Variants in RALYL observed in about 807,000 individuals in gnomAD.
RALYL encodes the protein RALY RNA binding protein like.
RALYL carries 29 observed loss-of-function variants against 35.1 expected under a neutral mutation model. The observed-to-expected ratio is 0.83, with a 90% CI of 0.61 to 1.13. The LOEUF (loss-of-function observed/expected upper bound fraction) is 1.13, where lower values mean the gene tolerates loss of function less well. Ranked by LOEUF, RALYL falls within the 50% of genes most tolerant of loss-of-function variation. The pLI, the probability that RALYL is intolerant of heterozygous loss-of-function variation, is 0.00. For missense variants in RALYL, 359 were observed against 360.4 expected (o/e 1.00, Z 0.03); for synonymous variants, 120 against 127.6 (o/e 0.94, Z 0.40).
rs1491010378 is a variant in RALYL, at chr8:84,342,282, A to ATATATATTTATATATATATATATT, written c.-24+157865_-24+157866insTTATATATATATATATTTATATAT. ...GAGGGTACAGAGCATCGTTCAATAT[A>ATATATATTTATATATATATATATT]TATATATATATATAAAACTCAAAAA... is the stretch of plus-strand genomic sequence containing the variant. On this transcript the variant is annotated intron_variant, in intron 1 of 8. Coordinates refer to ENST00000521268, the MANE Select transcript of RALYL (RefSeq NM_173848.7). Among the ~76,000 whole-genome samples, 4 of 109,008 alleles carry ATATATATTTATATATATATATATT rather than the reference A, an allele frequency of 3.7e-5. No individual in the cohort carries two copies. In the East Asian group the frequency reaches 1.2e-3, roughly 32 times the overall value. 71.5% of individuals were successfully genotyped at this position (109,008 alleles called of 152,430 possible).
At chr8:84,241,067 A>G (rs1175924703) in intron 1 of RALYL, among the ~76,000 whole-genome samples, 2 of 151,986 alleles carry the variant, frequency 1.3e-5, no homozygotes, top group Non-Finnish European at 2.9e-5. Context: ...TTTATTTTGG[A>G]CATGATCTGT....
intron 8 of RALYL, among the ~76,000 whole-genome samples, chr8:84,908,638 T>C (rs1158674748): frequency 6.6e-6 from 1 of 152,184 alleles, no homozygotes; most frequent in African/African-American, 2.4e-5. Context: ...AGCTTGACTA[T>C]TGTGAATAAT....
chr8:84,862,278 C>A lies in RALYL; in HGVS notation c.414-18C>A. The A allele has an allele frequency of 6.7e-7, 1 of 1,485,322 alleles. No homozygotes were observed. The highest frequency in any genetic ancestry group is 9.0e-7 in the Non-Finnish European group (1 of 1,110,288). The allele number at this position is 1,485,322 out of a possible 1,614,324, so 92.0% of individuals were successfully genotyped here. A position where few individuals can be genotyped will look rare whatever the true frequency, so the allele number is the denominator to read the frequency against. On this transcript the variant is annotated intron_variant, in intron 5 of 8. Transcript: ENST00000521268. ...CGGGCATCAAACCAACTCTCAGTCC[C>A]ATTTGTGTTTTGTAAAGGTTATTTG...
intron 2 of RALYL, among the ~76,000 whole-genome samples, chr8:84,586,083 T>C (rs1165275110): frequency 3.3e-5 from 5 of 151,480 alleles, no homozygotes; most frequent in African/African-American, 7.3e-5. Flanking sequence ...TAATCCCAGC[T>C]ACTCAGGAAG....
chr8:84,844,714 C>G (rs1361323275), intron 4 of RALYL, among the ~76,000 whole-genome samples: 1 of 152,162 alleles, frequency 6.6e-6, no homozygotes, highest in Non-Finnish European at 1.5e-5. Context: ...GACTTGGAAC[C>G]AACCCAAATG....
At chr8:84,415,219 G>GT (rs1421901628) in intron 1 of RALYL, among the ~76,000 whole-genome samples, 12 of 70,128 alleles carry the variant, frequency 1.7e-4, no homozygotes, top group Admixed American at 5.8e-4. Flanking sequence ...TTTTTTTTTT[G>GT]TTTTTTTGTT....
At chr8:84,213,545 T>C (rs1299791657) in intron 1 of RALYL, among the ~76,000 whole-genome samples, 2 of 152,244 alleles carry the variant, frequency 1.3e-5, no homozygotes, top group Non-Finnish European at 2.9e-5. Flanking sequence ...TCTTTTAAAA[T>C]ATATTGTATT....
chr8:84,449,101 G>A (rs2049172632), intron 1 of RALYL, among the ~76,000 whole-genome samples: 1 of 145,534 alleles, frequency 6.9e-6, no homozygotes, highest in African/African-American at 2.6e-5. Context: ...TTTTGCTGGT[G>A]TGCTAATTGC....
intron 2 of RALYL, among the ~76,000 whole-genome samples, chr8:84,613,359 CAT>C (rs760745815): frequency 6.6e-6 from 1 of 151,486 alleles, no homozygotes; most frequent in Non-Finnish European, 1.5e-5. Flanking sequence ...TGATGCTAAA[CAT>C]AATCACAAAA....
chr8:84,571,210 G>A (rs369260950), intron 2 of RALYL, among the ~76,000 whole-genome samples: 1 of 151,540 alleles, frequency 6.6e-6, no homozygotes, highest in Non-Finnish European at 1.5e-5. Context: ...TTGTATGTTT[G>A]GTAACATTTT....
At chr8:84,811,097 G>T (rs371415259) in intron 4 of RALYL, among the ~76,000 whole-genome samples, 22 of 151,422 alleles carry the variant, frequency 1.5e-4, no homozygotes, top group African/African-American at 5.3e-4. Context: ...TTATACTTTT[G>T]TTTTCTAGGT....
chr8:84,673,236 T>A (rs1321061817), intron 2 of RALYL, among the ~76,000 whole-genome samples: 4 of 152,214 alleles, frequency 2.6e-5, no homozygotes, highest in African/African-American at 4.8e-5. Context: ...TTATTGTAAA[T>A]GTGTTTAAGT....
intron 1 of RALYL, among the ~76,000 whole-genome samples, chr8:84,327,348 A>G (rs1264500712): frequency 1.3e-5 from 2 of 152,160 alleles, no homozygotes; most frequent in African/African-American, 4.8e-5. Context: ...CACAATCTAG[A>G]GAACAGGCAC....
At chr8:84,660,801 A>G (rs1378837622) in intron 2 of RALYL, among the ~76,000 whole-genome samples, 1 of 152,138 alleles carries the variant, frequency 6.6e-6, no homozygotes, top group Non-Finnish European at 1.5e-5. Flanking sequence ...TTCATATAGA[A>G]CAAATTTTGA....
chr8:84,343,985 T>A (rs186973426), intron 1 of RALYL, among the ~76,000 whole-genome samples: 1 of 152,092 alleles, frequency 6.6e-6, no homozygotes, highest in Non-Finnish European at 1.5e-5. Flanking sequence ...GCAATTGTTT[T>A]ACTGATTATG....
intron 2 of RALYL, among the ~76,000 whole-genome samples, chr8:84,691,593 T>G (rs1439939498): frequency 6.6e-6 from 1 of 151,974 alleles, no homozygotes; most frequent in Non-Finnish European, 1.5e-5. Flanking sequence ...ATGAGCACCT[T>G]CTAAACCAAA....
At chr8:84,575,098 G>T (rs1588278378) in intron 2 of RALYL, among the ~76,000 whole-genome samples, 1 of 152,024 alleles carries the variant, frequency 6.6e-6, no homozygotes. Flanking sequence ...TATAATTACA[G>T]CATTACATTT....
chr8:84,390,166 C>T (rs998072227), intron 1 of RALYL, among the ~76,000 whole-genome samples: 4 of 152,140 alleles, frequency 2.6e-5, no homozygotes, highest in Admixed American at 2.6e-4. Context: ...ATATATTGAA[C>T]CAGCCTTGCA....
At chr8:84,534,651 T>C (rs1299921419) in intron 2 of RALYL, among the ~76,000 whole-genome samples, 4 of 151,656 alleles carry the variant, frequency 2.6e-5, no homozygotes, top group African/African-American at 9.7e-5. Flanking sequence ...GTCCCTCACA[T>C]GGAAAAGAGC....
Sources: gnomAD v4.1 joint callset for allele counts (sites outside exome capture counted in the v4.1 genomes callset) on GRCh38, gnomAD v4.1.1 for gene constraint, MANE v1.5 for transcripts, NCBI Gene and HGNC (gene_info 2026-07-23, HGNC 2026-07-21) for gene names.